CTNNA2: variants seen among roughly 807,000 people sequenced by gnomAD.
CTNNA2 encodes the protein catenin alpha 2, also known as catenin alpha-2.
CTNNA2 carries 42 observed loss-of-function variants against 101.0 expected under a neutral mutation model. That is an observed-to-expected ratio of 0.42 (90% CI 0.32 to 0.54). The LOEUF is 0.54. Ranked by LOEUF, CTNNA2 falls within the 20% of genes least tolerant of loss-of-function variation. CTNNA2 has a pLI of 0.14. For missense variants in CTNNA2, 871 were observed against 1,223.1 expected (o/e 0.71, Z 4.29); for synonymous variants, 450 against 456.4 (o/e 0.99, Z 0.18).
chr2:79,818,821 T>TTTTATATATATATATATA (rs1553373413), intron 3 of CTNNA2, among the ~76,000 whole-genome samples: 1,377 of 73,974 alleles, frequency 0.019, 168 homozygotes, highest in East Asian at 0.087. Context: ...CAAAATGCAA[T>TTTTATATATATATATATA]TATATATATA....
At chr2:79,850,120 G>T (rs1021201417) in intron 3 of CTNNA2, among the ~76,000 whole-genome samples, 1 of 150,602 alleles carries the variant, frequency 6.6e-6, no homozygotes, top group Non-Finnish European at 1.5e-5. Flanking sequence ...AATTGGAGAA[G>T]TGTCTTTGTT....
At chr2:79,823,874 T>G (rs922023856) in intron 3 of CTNNA2, among the ~76,000 whole-genome samples, 3 of 152,154 alleles carry the variant, frequency 2.0e-5, no homozygotes, top group Admixed American at 2.0e-4. Flanking sequence ...ACTACTTGGT[T>G]TTATGTTTAG....
At chr2:79,578,694 C>T (rs1675950387) in intron 1 of CTNNA2, among the ~76,000 whole-genome samples, 1 of 152,142 alleles carries the variant, frequency 6.6e-6, no homozygotes, top group Non-Finnish European at 1.5e-5. Flanking sequence ...ATAGCACAGG[C>T]CTGTTCCTGG....
At chr2:79,466,052 G>A (rs989467412) in intron 4 of CTNNA2, among the ~76,000 whole-genome samples, 3 of 152,218 alleles carry the variant, frequency 2.0e-5, no homozygotes, top group Non-Finnish European at 4.4e-5. Context: ...GACAGTGGGT[G>A]CAGCCCACTG....
chr2:79,317,153 C>A (rs1162583710), intron 3 of CTNNA2, among the ~76,000 whole-genome samples: 1 of 151,976 alleles, frequency 6.6e-6, no homozygotes, highest in Non-Finnish European at 1.5e-5. Context: ...CTTCCTGCAT[C>A]TATTGGGATA....
chr2:80,017,228 G>T (rs10203275), intron 7 of CTNNA2, among the ~76,000 whole-genome samples: 84,366 of 151,836 alleles, frequency 0.56, 25,808 homozygotes, highest in East Asian at 0.72. Flanking sequence ...TGACCATACT[G>T]CAGCCTCAGT....
At chr2:80,037,195 A>G (rs1308761543) in intron 7 of CTNNA2, among the ~76,000 whole-genome samples, 1 of 152,190 alleles carries the variant, frequency 6.6e-6, no homozygotes, top group Non-Finnish European at 1.5e-5. Flanking sequence ...ATGGGTCACA[A>G]ATAGCTTTGA....
intron 7 of CTNNA2, among the ~76,000 whole-genome samples, chr2:80,349,302 G>A (rs1573799444): frequency 6.6e-6 from 1 of 152,126 alleles, no homozygotes; most frequent in African/African-American, 2.4e-5. Context: ...GCTCCCAATG[G>A]CTTCATGTTT....
intron 9 of CTNNA2, among the ~76,000 whole-genome samples, chr2:80,507,918 G>A (rs1419611106): frequency 6.6e-6 from 1 of 152,164 alleles, no homozygotes; most frequent in Non-Finnish European, 1.5e-5. Flanking sequence ...ATTGAGTCCT[G>A]TGTAGGGACG....
In CTNNA2 at chr2:80,419,349, C is replaced by T. The variant is rs934703889; in HGVS notation, c.1138-100C>T. ...TTTAAAAAGAAAATAGGAATATTATCTCCATGGGTAATGAGAGCTCAAAAA... is the reference window on the plus strand; with the variant it reads ...TTTAAAAAGAAAATAGGAATATTATTTCCATGGGTAATGAGAGCTCAAAAA... On this transcript the variant is annotated intron_variant, in intron 8 of 18. Transcript: ENST00000402739. 5.6e-6 allele frequency: 5 copies of T among 893,096 alleles called. No individual in the cohort carries two copies. In the African/African-American group the frequency reaches 6.7e-5, roughly 12 times the overall value. The allele number at this position is 893,096 out of a possible 1,614,324, so 55.3% of individuals were successfully genotyped here. A position where few individuals can be genotyped will look rare whatever the true frequency, so the allele number is the denominator to read the frequency against.
At chr2:80,507,528 T>C (rs1231938410) in intron 9 of CTNNA2, among the ~76,000 whole-genome samples, 1 of 152,212 alleles carries the variant, frequency 6.6e-6, no homozygotes, top group East Asian at 1.9e-4. Flanking sequence ...ACCTTTAACC[T>C]ATGACTATGA....
At chr2:80,637,763 G>A (rs754369661) in intron 18 of CTNNA2, among the ~76,000 whole-genome samples, 9 of 152,214 alleles carry the variant, frequency 5.9e-5, no homozygotes, top group Non-Finnish European at 1.2e-4. Context: ...GTGAAAGAAT[G>A]AGGAAGGATC....
chr2:79,383,005 GAAT>G (rs1354817601), intron 4 of CTNNA2, among the ~76,000 whole-genome samples: 1 of 152,180 alleles, frequency 6.6e-6, no homozygotes, highest in African/African-American at 2.4e-5. Flanking sequence ...ATGAAAAGAA[GAAT>G]AACACATTGA....
chr2:79,211,149 A>G (rs1674166954), intron 2 of CTNNA2, among the ~76,000 whole-genome samples: 1 of 152,172 alleles, frequency 6.6e-6, no homozygotes, highest in Non-Finnish European at 1.5e-5. Flanking sequence ...CATGATTTTA[A>G]GTGGATGTTT....
At chr2:80,570,581 T>G (rs1170964972) in intron 12 of CTNNA2, among the ~76,000 whole-genome samples, 1 of 152,138 alleles carries the variant, frequency 6.6e-6, no homozygotes, top group Non-Finnish European at 1.5e-5. Flanking sequence ...GTAAATATAA[T>G]GAATTGAATG....
At chr2:79,262,863 A>T (rs17016659) in intron 2 of CTNNA2, among the ~76,000 whole-genome samples, 11,493 of 152,164 alleles carry the variant, frequency 0.076, 638 homozygotes, top group African/African-American at 0.15. Context: ...TACTACATTC[A>T]TTTACTCAGA....
intron 6 of CTNNA2, among the ~76,000 whole-genome samples, chr2:79,876,857 A>G (rs996235376): frequency 2.0e-5 from 3 of 152,142 alleles, no homozygotes; most frequent in Non-Finnish European, 2.9e-5. Flanking sequence ...TCCTGAAGTG[A>G]TATCTCCTCA....
chr2:80,254,429 A>G (rs537145798), intron 7 of CTNNA2, among the ~76,000 whole-genome samples: 1 of 152,314 alleles, frequency 6.6e-6, no homozygotes, highest in South Asian at 2.1e-4. Flanking sequence ...TTGAAACAGA[A>G]TAAGAAACCA....
At chr2:80,272,349 C>A (rs1298130365) in intron 7 of CTNNA2, among the ~76,000 whole-genome samples, 1 of 152,154 alleles carries the variant, frequency 6.6e-6, no homozygotes, top group African/African-American at 2.4e-5. Context: ...TTAGCCAAAC[C>A]GACTATACCA....
Sources: allele counts gnomAD v4.1 joint callset (sites outside exome capture counted in the v4.1 genomes callset), GRCh38; gene constraint gnomAD v4.1.1; transcripts MANE v1.5; gene names NCBI Gene and HGNC (gene_info 2026-07-23, HGNC 2026-07-21).